ZC3H12B: variants seen among roughly 807,000 people sequenced by gnomAD.
ZC3H12B encodes the protein probable ribonuclease ZC3H12B.
ZC3H12B carries 7 observed loss-of-function variants against 43.9 expected under a neutral mutation model. The observed-to-expected ratio is 0.16, with a 90% CI of 0.09 to 0.30. ZC3H12B has a LOEUF of 0.30. Ranked by LOEUF, ZC3H12B falls within the 10% of genes least tolerant of loss-of-function variation. The pLI, the probability that ZC3H12B is intolerant of heterozygous loss-of-function variation, is 1.00. For synonymous variants in ZC3H12B, 222 were observed against 241.7 expected (o/e 0.92, Z 0.76); for missense variants, 475 against 670.2 (o/e 0.71, Z 3.22).
the ZC3H12B span, among the ~76,000 whole-genome samples, chrX:65,256,753 G>T: frequency 2.7e-4 from 30 of 111,905 alleles, 1 homozygote; most frequent in East Asian, 8.1e-3. Context: ...TCCAGACGTT[G>T]GTTTGTTGAA....
chrX:65,413,879 A>G (rs1037651427), intron 3 of ZC3H12B, among the ~76,000 whole-genome samples: 2 of 112,172 alleles, frequency 1.8e-5, no homozygotes, highest in Admixed American at 9.5e-5. Flanking sequence ...ACTTTAGGTG[A>G]GTATTATTAC....
chrX:65,402,177 C>A (rs779724141), intron 3 of ZC3H12B, among the ~76,000 whole-genome samples: 4 of 111,691 alleles, frequency 3.6e-5, no homozygotes, highest in Admixed American at 9.5e-5. Context: ...AGTAGTCTGG[C>A]AGAACTCCTC....
chrX:65,216,849 G>C, the ZC3H12B span, among the ~76,000 whole-genome samples: 1 of 112,111 alleles, frequency 8.9e-6, no homozygotes, highest in East Asian at 2.8e-4. Flanking sequence ...ACCCACCCCA[G>C]GCCATAAGAG....
the ZC3H12B span, among the ~76,000 whole-genome samples, chrX:65,104,973 T>A: frequency 4.5e-5 from 5 of 111,949 alleles, no homozygotes; most frequent in Non-Finnish European, 7.5e-5. Flanking sequence ...ATTGTAGCAC[T>A]TTTTACAATA....
chrX:65,221,741 T>C, the ZC3H12B span, among the ~76,000 whole-genome samples: 1 of 111,197 alleles, frequency 9.0e-6, no homozygotes, highest in Admixed American at 9.5e-5. Flanking sequence ...CTAGATGGAT[T>C]CACAGCTGAA....
chrX:65,124,649 A>G, the ZC3H12B span, among the ~76,000 whole-genome samples: 2 of 110,653 alleles, frequency 1.8e-5, no homozygotes, highest in South Asian at 3.8e-4. Flanking sequence ...TTAAATTACC[A>G]TTTCAATCTT....
chrX:65,275,516 C>T, the ZC3H12B span, among the ~76,000 whole-genome samples: 2 of 112,997 alleles, frequency 1.8e-5, no homozygotes, highest in Admixed American at 9.3e-5. Flanking sequence ...GTTTAGCAAG[C>T]TTATGCCTAG....
At chrX:65,358,290 C>A in the ZC3H12B span, among the ~76,000 whole-genome samples, 1 of 111,325 alleles carries the variant, frequency 9.0e-6, no homozygotes, top group Non-Finnish European at 1.9e-5. Flanking sequence ...AGAAACTCAA[C>A]AATGATATTC....
At chrX:65,064,629 G>C in the ZC3H12B span, among the ~76,000 whole-genome samples, 1 of 111,643 alleles carries the variant, frequency 9.0e-6, no homozygotes, top group Non-Finnish European at 1.9e-5. Context: ...GTTGAACTGG[G>C]GTGGAGAGTC....
the ZC3H12B span, among the ~76,000 whole-genome samples, chrX:65,322,598 T>A: frequency 8.9e-6 from 1 of 112,175 alleles, no homozygotes; most frequent in Non-Finnish European, 1.9e-5. Context: ...TCCATTTGTC[T>A]CCGTGTCTGT....
At chrX:65,154,568 C>T in the ZC3H12B span, among the ~76,000 whole-genome samples, 2 of 112,297 alleles carry the variant, frequency 1.8e-5, no homozygotes, top group African/African-American at 3.2e-5. Context: ...AATGTGAACA[C>T]TTTTAAGATT....
At chrX:65,207,507 G>GA in the ZC3H12B span, among the ~76,000 whole-genome samples, 1 of 110,455 alleles carries the variant, frequency 9.1e-6, no homozygotes, top group African/African-American at 3.3e-5. Context: ...GGGAGTGAGG[G>GA]ATAAAAGACT....
At chrX:65,067,560 A>G in the ZC3H12B span, among the ~76,000 whole-genome samples, 1 of 108,893 alleles carries the variant, frequency 9.2e-6, no homozygotes, top group Non-Finnish European at 1.9e-5. Flanking sequence ...TCTCGCTGGG[A>G]GCTGCAGACT....
chrX:65,175,600 A>T, the ZC3H12B span, among the ~76,000 whole-genome samples: 81 of 112,151 alleles, frequency 7.2e-4, no homozygotes, highest in African/African-American at 2.1e-3. Context: ...AGATGGCCGA[A>T]TAGGAACAGC....
At chrX:65,494,557 C>T (rs929924416) in intron 1 of ZC3H12B, among the ~76,000 whole-genome samples, 30 of 110,705 alleles carry the variant, frequency 2.7e-4, no homozygotes, top group Non-Finnish European at 4.5e-4. Flanking sequence ...CTGACGCTGG[C>T]GGATCACAAG....
the ZC3H12B span, among the ~76,000 whole-genome samples, chrX:65,060,103 GT>G: frequency 8.9e-6 from 1 of 112,216 alleles, no homozygotes; most frequent in South Asian, 3.6e-4. Flanking sequence ...ATTTCTAGTA[GT>G]TTTCTTGTGG....
chrX:65,193,353 G>C, the ZC3H12B span, among the ~76,000 whole-genome samples: 1 of 111,030 alleles, frequency 9.0e-6, no homozygotes, highest in African/African-American at 3.3e-5. Context: ...ATTTTTTCAT[G>C]GTTCAATCTT....
chrX:65,492,499 G>C (rs1185378354), intron 1 of ZC3H12B, among the ~76,000 whole-genome samples: 1 of 111,686 alleles, frequency 9.0e-6, no homozygotes, highest in Non-Finnish European at 1.9e-5. Flanking sequence ...CTTATTGTTA[G>C]GAACATACTA....
chrX:65,099,853 G>A, the ZC3H12B span, among the ~76,000 whole-genome samples: 1 of 111,623 alleles, frequency 9.0e-6, no homozygotes, highest in African/African-American at 3.3e-5. Flanking sequence ...CTCATCTCCA[G>A]CAAGGGTGCA....
Sources: gnomAD v4.1 joint callset for allele counts (sites outside exome capture counted in the v4.1 genomes callset) on GRCh38, gnomAD v4.1.1 for gene constraint, MANE v1.5 for transcripts, NCBI Gene and HGNC (gene_info 2026-07-23, HGNC 2026-07-21) for gene names.